The following GAB2 variants were observed in gnomAD, a reference collection of about 807,000 sequenced individuals.
GAB2 encodes the protein GRB2 associated binding protein 2.
A neutral mutation model predicts 65.5 loss-of-function variants in GAB2; 26 were observed. The observed-to-expected ratio is 0.40, with a 90% CI of 0.29 to 0.55. GAB2 has a LOEUF of 0.55. Among genes scored for constraint, GAB2 ranks in the 20% least tolerant of loss-of-function variants. The pLI is 0.53. For missense variants in GAB2, 884 were observed against 875.8 expected, an observed-to-expected ratio of 1.01 and a Z score of -0.12; for synonymous variants, 321 against 329.6, an observed-to-expected ratio of 0.97 and a Z score of 0.28.
At chr11:78,375,926 A>G (rs1565177658) in intron 1 of GAB2, among the ~76,000 whole-genome samples, 1 of 151,756 alleles carries the variant, frequency 6.6e-6, no homozygotes, top group Non-Finnish European at 1.5e-5. Context: ...TCCTTATACC[A>G]CCCTTCTGCC....
At chr11:78,222,081 C>G in intron 7 of GAB2, 24 bp downstream of exon 7, 9 of 1,509,252 alleles carry the variant, frequency 6.0e-6, no homozygotes, top group Non-Finnish European at 8.3e-6. Context: ...CTCCAAGCTC[C>G]CACCCCCACA....
intron 1 of GAB2, among the ~76,000 whole-genome samples, chr11:78,409,032 C>T (rs1052625915): frequency 9.2e-5 from 14 of 152,076 alleles, no homozygotes; most frequent in African/African-American, 2.9e-4. Context: ...GATATCACTT[C>T]AAATACAATG....
intron 1 of GAB2, among the ~76,000 whole-genome samples, chr11:78,325,036 C>A (rs557235587): frequency 1.3e-5 from 2 of 152,170 alleles, no homozygotes; most frequent in African/African-American, 4.8e-5. Context: ...GCAAACGATG[C>A]AAACCAGGGC....
At chr11:78,360,679 G>A (rs570692772) in intron 1 of GAB2, among the ~76,000 whole-genome samples, 17 of 152,026 alleles carry the variant, frequency 1.1e-4, no homozygotes, top group Non-Finnish European at 1.6e-4. Context: ...CCAACATGGC[G>A]AAAACCTGTC....
intron 1 of GAB2, among the ~76,000 whole-genome samples, chr11:78,352,977 A>G (rs1856302125): frequency 6.6e-6 from 1 of 152,196 alleles, no homozygotes; most frequent in Non-Finnish European, 1.5e-5. Flanking sequence ...GGGTACATAG[A>G]GTATTTTGCC....
chr11:78,381,293 A>G (rs1856694310), intron 1 of GAB2, among the ~76,000 whole-genome samples: 1 of 152,210 alleles, frequency 6.6e-6, no homozygotes, highest in Non-Finnish European at 1.5e-5. Context: ...TGAAATGGGA[A>G]TCTAACTTTA....
chr11:78,363,200 A>G (rs935154646), intron 1 of GAB2, among the ~76,000 whole-genome samples: 3 of 152,256 alleles, frequency 2.0e-5, no homozygotes, highest in African/African-American at 7.2e-5. Context: ...GGTGACCAGT[A>G]TTCAAACACA....
chr11:78,330,654 T>C (rs1433454183), intron 1 of GAB2, among the ~76,000 whole-genome samples: 2 of 152,224 alleles, frequency 1.3e-5, no homozygotes, highest in Non-Finnish European at 2.9e-5. Flanking sequence ...ATAGTGACTA[T>C]ATACTTAGCA....
At chr11:78,340,107 T>C (rs537709666) in intron 1 of GAB2, among the ~76,000 whole-genome samples, 44 of 152,302 alleles carry the variant, frequency 2.9e-4, no homozygotes, top group Middle Eastern at 6.8e-3. Context: ...CTTCAAAGCT[T>C]ACCAGACTGA....
chr11:78,417,610 CCCCGCCCG>C, intron 1 of GAB2, 28 bp downstream of exon 1: 4 of 1,231,988 alleles, frequency 3.2e-6, no homozygotes, highest in Non-Finnish European at 4.2e-6. Flanking sequence ...CCGGAGCGCC[CCCCGCCCG>C]CCCCTGGGCG....
At chr11:78,228,847 G>T (rs1314221165) in intron 3 of GAB2, among the ~76,000 whole-genome samples, 1 of 152,122 alleles carries the variant, frequency 6.6e-6, no homozygotes, top group East Asian at 1.9e-4. Flanking sequence ...GGCGGGGGGA[G>T]CGAATGGTAG....
At chr11:78,245,377 TAAC>T (rs1332654740) in intron 3 of GAB2, among the ~76,000 whole-genome samples, 15 of 152,294 alleles carry the variant, frequency 9.8e-5, no homozygotes, top group Admixed American at 2.0e-4. Context: ...AAAATTAAAA[TAAC>T]TGCTGATCTC....
At chr11:78,358,665 T>C (rs1856394268) in intron 1 of GAB2, among the ~76,000 whole-genome samples, 1 of 151,912 alleles carries the variant, frequency 6.6e-6, no homozygotes, top group South Asian at 2.1e-4. Flanking sequence ...AATAAATGTT[T>C]AACCTAGGCC....
At chr11:78,407,650 A>AAAGTAAGT (rs1188606840) in intron 1 of GAB2, among the ~76,000 whole-genome samples, 1 of 123,068 alleles carries the variant, frequency 8.1e-6, no homozygotes. Flanking sequence ...AGAAAGAAAG[A>AAAGTAAGT]AAGAAAGTAA....
intron 4 of GAB2, among the ~76,000 whole-genome samples, chr11:78,226,232 A>G (rs1864645217): frequency 6.6e-6 from 1 of 152,230 alleles, no homozygotes; most frequent in Non-Finnish European, 1.5e-5. Context: ...CCATTAGTAG[A>G]ACATTAACTT....
At chr11:78,370,681 T>C (rs1172291945) in intron 1 of GAB2, among the ~76,000 whole-genome samples, 1 of 150,414 alleles carries the variant, frequency 6.6e-6, no homozygotes, top group South Asian at 2.1e-4. Context: ...GGATGGGTTG[T>C]ATGGAACTAC....
intron 1 of GAB2, chr11:78,392,353 T>G (rs993107110): frequency 1.3e-5 from 2 of 152,244 alleles, no homozygotes; most frequent in African/African-American, 4.8e-5. Context: ...CTCTTTTGAT[T>G]GTTATCTATT....
At chr11:78,368,393 G>A (rs55838912) in intron 1 of GAB2, among the ~76,000 whole-genome samples, 3,596 of 152,260 alleles carry the variant, frequency 0.024, 143 homozygotes, top group African/African-American at 0.081. Context: ...AAATTCTCAA[G>A]TGAGGGACTT....
chr11:78,305,267 T>C (rs2134633233), intron 1 of GAB2, among the ~76,000 whole-genome samples: 1 of 152,320 alleles, frequency 6.6e-6, no homozygotes, highest in East Asian at 1.9e-4. Context: ...ACTCTAGTCT[T>C]TTTTTATTTT....
Sources: allele counts gnomAD v4.1 joint callset (sites outside exome capture counted in the v4.1 genomes callset), GRCh38; gene constraint gnomAD v4.1.1; transcripts MANE v1.5; gene names NCBI Gene and HGNC (gene_info 2026-07-23, HGNC 2026-07-21).